PAK4: variants seen among roughly 807,000 people sequenced by gnomAD.
PAK4 encodes the protein serine/threonine-protein kinase PAK 4.
PAK4 carries 49 observed loss-of-function variants against 53.5 expected under a neutral mutation model. The ratio of observed to expected loss-of-function variants is 0.92; its 90% CI spans 0.73 to 1.16. The LOEUF is 1.16. Ranked by LOEUF, PAK4 falls within the 50% of genes most tolerant of loss-of-function variation. The pLI, the probability that PAK4 is intolerant of heterozygous loss-of-function variation, is 0.00. For missense variants in PAK4, 824 were observed against 850.7 expected (o/e 0.97, Z 0.39); for synonymous variants, 376 against 375.6 (o/e 1.00, Z -0.01).
At position 39,177,611 on chromosome 19, in the gene PAK4, G is replaced by A. The variant is rs941816825; in HGVS notation, c.1486-64G>A. The stretch of plus-strand genomic sequence containing the variant: ...GACAGCGCTGGAGCGGTCCCTGCCT[G>A]AGGCCTCCCCAGGACCCACCATCCC... On this transcript the variant is annotated intron_variant, in intron 7 of 8. Transcript: ENST00000358301. The A allele has an allele frequency of 5.3e-5, 81 of 1,539,888 alleles. No individual in the cohort carries two copies. The African/African-American group carries it at 8.9e-4, about 17-fold the overall frequency.
intron 1 of PAK4, among the ~76,000 whole-genome samples, 185 bp downstream of exon 1, chr19:39,126,104 C>G (rs1268868115): frequency 6.6e-6 from 1 of 151,916 alleles, no homozygotes; most frequent in Non-Finnish European, 1.5e-5. Flanking sequence ...GAGATCAAAC[C>G]AGCGAAGGGG....
intron 1 of PAK4, among the ~76,000 whole-genome samples, chr19:39,131,522 C>T (rs967198731): frequency 5.9e-5 from 9 of 152,306 alleles, no homozygotes; most frequent in African/African-American, 2.2e-4. Context: ...GGAAGTGGGA[C>T]CCTTCCCGCC....
At chr19:39,132,481 G>A (rs552753705) in intron 1 of PAK4, among the ~76,000 whole-genome samples, 158 of 152,320 alleles carry the variant, frequency 1.0e-3, no homozygotes, top group African/African-American at 3.7e-3. Flanking sequence ...TGTGCTTTGC[G>A]TTTCCCACTC....
chr19:39,139,085 T>A (rs2073868163), intron 1 of PAK4, among the ~76,000 whole-genome samples: 1 of 152,212 alleles, frequency 6.6e-6, no homozygotes, highest in East Asian at 1.9e-4. Flanking sequence ...GCTGGCCCTG[T>A]CCCTCCAGCA....
intron 1 of PAK4, among the ~76,000 whole-genome samples, chr19:39,145,789 G>C (rs2073989334): frequency 6.6e-6 from 1 of 152,034 alleles, no homozygotes; most frequent in Non-Finnish European, 1.5e-5. Context: ...CCCTCCCCCT[G>C]CGCCCGCCCA....
At position 39,173,845 on chromosome 19, in the gene PAK4, G is replaced by A. The variant is rs2074543781; in HGVS notation, c.933G>A (p.Val311=). 1 of 1,612,424 alleles carries A rather than the reference G, an allele frequency of 6.2e-7. No individual in the cohort carries two copies. The highest frequency in any genetic ancestry group is 1.7e-5 in the Admixed American group (1 of 59,974). ...AGTTCCGGGCTGCCCTGCAGCTGGT[G>A]GTGGACCCAGGCGACCCCCGCTCCT... The change falls in exon 4 of 9, where the codon GTG becomes GTA. Residue 311 remains valine, a synonymous_variant. Transcript: ENST00000358301. This position sits in a 1 kb window ranked among gnomAD's most constrained non-coding sequence, Gnocchi z 6.9.
chr19:39,153,641 CA>C (rs2074130301), intron 1 of PAK4, among the ~76,000 whole-genome samples: 1 of 152,184 alleles, frequency 6.6e-6, no homozygotes, highest in Admixed American at 6.5e-5. Flanking sequence ...GGAGCTTCAC[CA>C]TGTTGGTCAG....
At chr19:39,164,242 A>C (rs909810013) in intron 1 of PAK4, among the ~76,000 whole-genome samples, 1 of 145,590 alleles carries the variant, frequency 6.9e-6, no homozygotes, top group Admixed American at 7.3e-5. Context: ...ATGCCATTGC[A>C]CTCCAGCCTG....
chr19:39,159,144 C>G (rs749974785), intron 1 of PAK4, among the ~76,000 whole-genome samples: 1 of 152,124 alleles, frequency 6.6e-6, no homozygotes, highest in African/African-American at 2.4e-5. Flanking sequence ...TGTCCAGGGG[C>G]ACACAGCTTG....
intron 1 of PAK4, among the ~76,000 whole-genome samples, chr19:39,141,477 G>A (rs546216091): frequency 9.9e-5 from 15 of 151,406 alleles, no homozygotes; most frequent in Non-Finnish European, 1.9e-4. Flanking sequence ...CATGATGCCC[G>A]GCTAATTTTT....
chr19:39,139,640 G>C (rs1215281120), intron 1 of PAK4, among the ~76,000 whole-genome samples: 1 of 152,194 alleles, frequency 6.6e-6, no homozygotes, highest in Admixed American at 6.5e-5. Context: ...CCATCAGTCT[G>C]TCTCAGTCTC....
At chr19:39,132,363 C>G (rs1600302200) in intron 1 of PAK4, among the ~76,000 whole-genome samples, 1 of 152,196 alleles carries the variant, frequency 6.6e-6, no homozygotes, top group African/African-American at 2.4e-5. Flanking sequence ...GCATCATCAC[C>G]CCCGGTTTCT....
chr19:39,162,321 C>T lies in PAK4; in HGVS notation c.-22-7211C>T, dbSNP rs867000430. Reference sequence around the variant, plus strand: ...TCACCTAGGCTGGAGTGCAGTGGCACGATCACTCACTGCAGCCTCGACCTC... The same window carrying T: ...TCACCTAGGCTGGAGTGCAGTGGCATGATCACTCACTGCAGCCTCGACCTC... On this transcript the variant is annotated intron_variant, in intron 1 of 8. Transcript: ENST00000358301. Among the ~76,000 whole-genome samples, 5 of 149,760 alleles carry T rather than the reference C, an allele frequency of 3.3e-5. No homozygotes were observed. In the Middle Eastern group the frequency reaches 0.012, roughly 346 times the overall value.
intron 1 of PAK4, among the ~76,000 whole-genome samples, chr19:39,145,865 G>A (rs2073991068): frequency 6.6e-6 from 1 of 152,086 alleles, no homozygotes; most frequent in African/African-American, 2.4e-5. Context: ...CCCTCTGGCG[G>A]GGAGTTTACT....
At chr19:39,144,567 G>C (rs1461142805) in intron 1 of PAK4, among the ~76,000 whole-genome samples, 4 of 152,224 alleles carry the variant, frequency 2.6e-5, no homozygotes, top group Middle Eastern at 3.2e-3. Flanking sequence ...AGGCCAGAAG[G>C]GTTTCCTGGG....
exon 3 of PAK4, chr19:39,172,940 G>T (rs1403145731): frequency 5.2e-6 from 8 of 1,541,102 alleles, no homozygotes; most frequent in Non-Finnish European, 4.4e-6. Context: ...GGCAGCAAAG[G>T]TGCCAAAGAT....
chr19:39,137,946 G>A (rs978268389), intron 1 of PAK4, among the ~76,000 whole-genome samples: 16 of 150,430 alleles, frequency 1.1e-4, no homozygotes, highest in African/African-American at 3.7e-4. Context: ...GATTACAGGC[G>A]GGAGCCACTG....
chr19:39,155,756 G>A (rs954550973), intron 1 of PAK4, among the ~76,000 whole-genome samples: 1 of 152,148 alleles, frequency 6.6e-6, no homozygotes, highest in Non-Finnish European at 1.5e-5. Context: ...GGGAGTCCCA[G>A]CGCCTGACCT....
intron 1 of PAK4, among the ~76,000 whole-genome samples, chr19:39,154,773 C>T (rs2145203094): frequency 6.6e-6 from 1 of 152,290 alleles, no homozygotes; most frequent in Non-Finnish European, 1.5e-5. Flanking sequence ...CGTGGCTCCT[C>T]TGCGGGTGGT....
Sources: gnomAD v4.1 joint callset for allele counts (sites outside exome capture counted in the v4.1 genomes callset) on GRCh38, gnomAD v4.1.1 for gene constraint, Gnocchi (gnomAD v3.1) non-coding constraint, MANE v1.5 for transcripts, NCBI Gene and HGNC (gene_info 2026-07-23, HGNC 2026-07-21) for gene names.